The following GPR137C variants were observed in gnomAD, a reference collection of about 807,000 sequenced individuals.
GPR137C encodes G protein-coupled receptor 137C, also known as integral membrane protein GPR137C.
Under a neutral mutation model 43.4 loss-of-function variants are expected in GPR137C, and 27 were observed. The observed-to-expected ratio is 0.62, with a 90% CI of 0.46 to 0.86. The LOEUF (loss-of-function observed/expected upper bound fraction) is 0.86. Ranked by LOEUF, GPR137C falls within the 40% of genes least tolerant of loss-of-function variation. GPR137C has a pLI of 0.00. For missense variants in GPR137C, 522 were observed against 534.6 expected, an observed-to-expected ratio of 0.98 and a Z score of 0.23; for synonymous variants, 285 against 226.9, an observed-to-expected ratio of 1.26 and a Z score of -2.30.
Position 52,634,965 on chromosome 14 carries a change from G to A in GPR137C, c.1140G>A (p.Trp380Ter). 6.2e-7 allele frequency: 1 copy of A among 1,612,528 alleles called. No individual in the cohort carries two copies. Among genetic ancestry groups the A allele is most frequent in the Non-Finnish European group, 8.5e-7 (1 of 1,179,278 alleles). Residue 380 changes from tryptophan to a stop codon, truncating the protein, a stop_gained, in exon 7 of 7, where the codon TGG (tryptophan) becomes TGA (stop). Transcript: ENST00000321662. LOFTEE classifies it high-confidence loss of function. Reference sequence around the variant, plus strand: ...TACCAAATTCGCAAAGTTTGGGCTGGTATGGCACCATGACTGGGTGTGGCA... The same window carrying A: ...TACCAAATTCGCAAAGTTTGGGCTGATATGGCACCATGACTGGGTGTGGCA... The part of the protein sequence containing the change: ...GSLPNSQSLG[W>*]YGTMTGCGSS...
rs778367099 is a variant in GPR137C, at chr14:52,600,030, T to G, written c.489-83T>G. ...ACATTTCAAACTGAAGGAATTCTTG[T>G]ACCTAACATAACACACTAATGCAGA... On this transcript the variant is annotated intron_variant, in intron 2 of 6. Transcript: ENST00000321662. The G allele has an allele frequency of 3.2e-5, 27 of 851,616 alleles. No homozygotes were observed. The Admixed American group carries it at 6.2e-4, about 20-fold the overall frequency. The allele number at this position is 851,616 out of a possible 1,614,324, so 52.8% of individuals were successfully genotyped here.
At chr14:52,563,004 A>G (rs2038309711) in intron 1 of GPR137C, among the ~76,000 whole-genome samples, 1 of 152,182 alleles carries the variant, frequency 6.6e-6, no homozygotes, top group African/African-American at 2.4e-5. Context: ...CAGCTTCTCT[A>G]ATCTGCCTTC....
At chr14:52,573,543 C>A (rs962861967) in intron 1 of GPR137C, among the ~76,000 whole-genome samples, 2 of 152,142 alleles carry the variant, frequency 1.3e-5, no homozygotes, top group African/African-American at 4.8e-5. Flanking sequence ...AAACTGGACC[C>A]CTTCCTTACA....
intron 1 of GPR137C, among the ~76,000 whole-genome samples, chr14:52,566,825 A>T (rs186946479): frequency 6.6e-6 from 1 of 152,192 alleles, no homozygotes; most frequent in East Asian, 1.9e-4. Context: ...AGAACACTGG[A>T]TACAGGCCAG....
chr14:52,605,063 T>C (rs992335768), intron 3 of GPR137C, among the ~76,000 whole-genome samples: 2 of 152,198 alleles, frequency 1.3e-5, no homozygotes, highest in African/African-American at 4.8e-5. Flanking sequence ...TTCCATATAA[T>C]TTTAGGACTT....
intron 3 of GPR137C, among the ~76,000 whole-genome samples, chr14:52,609,029 T>C (rs2039011143): frequency 6.6e-6 from 1 of 152,206 alleles, no homozygotes; most frequent in Non-Finnish European, 1.5e-5. Context: ...ACCCCTGTCT[T>C]TCTCAGTTCC....
At chr14:52,582,040 A>G (rs2038654597) in intron 1 of GPR137C, among the ~76,000 whole-genome samples, 1 of 152,196 alleles carries the variant, frequency 6.6e-6, no homozygotes, top group Non-Finnish European at 1.5e-5. Context: ...TTGTAATAAA[A>G]TATCATAAAC....
chr14:52,589,435 G>A (rs367804082), intron 1 of GPR137C, among the ~76,000 whole-genome samples: 4 of 152,216 alleles, frequency 2.6e-5, no homozygotes, highest in African/African-American at 9.6e-5. Flanking sequence ...TGTATGGGGG[G>A]AATTTTAAAA....
At chr14:52,572,482 A>T (rs1307868816) in intron 1 of GPR137C, among the ~76,000 whole-genome samples, 1 of 152,208 alleles carries the variant, frequency 6.6e-6, no homozygotes, top group Non-Finnish European at 1.5e-5. Flanking sequence ...CATAAACAGA[A>T]CCAATGACCA....
Position 52,553,486 on chromosome 14 carries a change from C to G in GPR137C, c.339C>G (p.Leu113=). The change falls in exon 1 of 7, where the codon CTC becomes CTG. Residue 113 remains leucine, a synonymous_variant. Coordinates refer to ENST00000321662, the MANE Select transcript of GPR137C (RefSeq NM_001099652.2). ...AFSLSGSLPL[L]RPPAHLHFFP... is the part of the protein sequence containing the mutation. ...CGCTCAGCGGCTCCCTGCCCTTGCT[C>G]CGGCCGCCCGCTCACCTGCACTTCT... 1 of 1,608,836 alleles carries G rather than the reference C, an allele frequency of 6.2e-7. No individual in the cohort carries two copies. Among genetic ancestry groups the G allele is most frequent in the Non-Finnish European group, 8.5e-7 (1 of 1,179,778 alleles).
At chr14:52,576,287 G>A (rs114266424) in intron 1 of GPR137C, among the ~76,000 whole-genome samples, 11 of 152,286 alleles carry the variant, frequency 7.2e-5, no homozygotes, top group African/African-American at 2.6e-4. Context: ...CAATGTTGTT[G>A]CAATTGATAG....
At chr14:52,610,136 AT>A (rs1231789877) in intron 3 of GPR137C, among the ~76,000 whole-genome samples, 1 of 152,200 alleles carries the variant, frequency 6.6e-6, no homozygotes, top group Non-Finnish European at 1.5e-5. Context: ...AAATAAGACT[AT>A]CCCCCATTCT....
At chr14:52,555,447 C>T (rs926096034) in intron 1 of GPR137C, among the ~76,000 whole-genome samples, 1 of 152,240 alleles carries the variant, frequency 6.6e-6, no homozygotes, top group Non-Finnish European at 1.5e-5. Flanking sequence ...TTTTTACCCT[C>T]TCCCAGTCAG....
At chr14:52,561,338 T>G (rs1410405426) in intron 1 of GPR137C, among the ~76,000 whole-genome samples, 1 of 152,170 alleles carries the variant, frequency 6.6e-6, no homozygotes, top group Non-Finnish European at 1.5e-5. Flanking sequence ...CCAGGCGTGG[T>G]GGCACAGGCC....
rs137919270 is a variant in GPR137C, at chr14:52,570,436, G to A, written c.444+16845G>A. Among the ~76,000 whole-genome samples, 820 of 152,120 alleles carry A rather than the reference G, an allele frequency of 5.4e-3. 12 individuals carry two copies. Among genetic ancestry groups the A allele is most frequent in the African/African-American group, 0.019 (784 of 41,496 alleles). On this transcript the variant is annotated intron_variant, in intron 1 of 6. Transcript: ENST00000321662. ...ATCGACCCTATGAAGAAACTGCATC[G>A]ACTAACGGGCAAAATAACCAGCTAG...
intron 1 of GPR137C, among the ~76,000 whole-genome samples, chr14:52,588,923 T>C (rs1195926810): frequency 6.6e-6 from 1 of 152,196 alleles, no homozygotes; most frequent in African/African-American, 2.4e-5. Context: ...GAAAATCATA[T>C]ATAGAACATT....
intron 2 of GPR137C, 66 bp downstream of exon 2, chr14:52,598,381 G>T (rs1345260787): frequency 1.5e-6 from 1 of 664,006 alleles, no homozygotes; most frequent in African/African-American, 1.9e-5. Context: ...TAATATTAAG[G>T]CTTAGTATCT....
intron 3 of GPR137C, among the ~76,000 whole-genome samples, chr14:52,629,632 A>G (rs144152569): frequency 3.2e-4 from 48 of 152,338 alleles, no homozygotes; most frequent in African/African-American, 1.2e-3. Context: ...CTTCTAGAGC[A>G]GGTAGAACTA....
chr14:52,631,282 G>T (rs1350267029), intron 3 of GPR137C, among the ~76,000 whole-genome samples: 2 of 152,124 alleles, frequency 1.3e-5, no homozygotes, highest in South Asian at 4.1e-4. Flanking sequence ...CCTGTGACTT[G>T]CAAGTCATCT....
Sources: allele counts gnomAD v4.1 joint callset (sites outside exome capture counted in the v4.1 genomes callset), GRCh38; gene constraint gnomAD v4.1.1; transcripts MANE v1.5; gene names NCBI Gene and HGNC (gene_info 2026-07-23, HGNC 2026-07-21).